The following MAGI1 variants were observed in gnomAD, a reference collection of about 807,000 sequenced individuals.
MAGI1 encodes the protein membrane associated guanylate kinase, WW and PDZ domain containing 1.
Under a neutral mutation model 139.9 loss-of-function variants are expected in MAGI1, and 58 were observed. The observed-to-expected ratio is 0.41, with a 90% CI of 0.34 to 0.52. The LOEUF is 0.52. Ranked by LOEUF, MAGI1 falls within the 20% of genes least tolerant of loss-of-function variation. MAGI1 has a pLI of 0.12. For missense variants in MAGI1, 1,874 were observed against 1,901.6 expected (o/e 0.99, Z 0.27); for synonymous variants, 812 against 737.9 (o/e 1.10, Z -1.63).
intron 1 of MAGI1, among the ~76,000 whole-genome samples, chr3:65,624,676 A>G (rs949656431): frequency 1.3e-5 from 2 of 152,196 alleles, no homozygotes; most frequent in African/African-American, 4.8e-5. Flanking sequence ...AGGGAATAAA[A>G]TCTATGGATC....
intron 1 of MAGI1, among the ~76,000 whole-genome samples, chr3:66,024,736 G>A (rs528599377): frequency 1.3e-5 from 2 of 152,288 alleles, no homozygotes; most frequent in African/African-American, 2.4e-5. Context: ...AACCCAGGAG[G>A]CGGAGGTTGC....
intron 1 of MAGI1, among the ~76,000 whole-genome samples, chr3:65,843,065 T>C (rs2058861897): frequency 6.6e-6 from 1 of 152,206 alleles, no homozygotes; most frequent in African/African-American, 2.4e-5. Context: ...TTCATAACCC[T>C]GAATACTTTT....
chr3:65,376,101 A>C (rs977003999), intron 17 of MAGI1, among the ~76,000 whole-genome samples, 156 bp from the exon 18 acceptor site: 1 of 152,232 alleles, frequency 6.6e-6, no homozygotes, highest in African/African-American at 2.4e-5. Context: ...CGATGGTCAA[A>C]ACATTGGCAA....
At chr3:65,544,356 T>C (rs1309317169) in intron 2 of MAGI1, among the ~76,000 whole-genome samples, 16 of 152,134 alleles carry the variant, frequency 1.1e-4, no homozygotes. Flanking sequence ...GCAGCAGGGA[T>C]AATGCACACT....
At chr3:65,800,351 A>C (rs769598621) in intron 1 of MAGI1, among the ~76,000 whole-genome samples, 3 of 152,228 alleles carry the variant, frequency 2.0e-5, no homozygotes, top group Non-Finnish European at 2.9e-5. Context: ...TATTAAATAT[A>C]ATCAATCCTT....
chr3:65,930,262 G>A, intron 1 of MAGI1, among the ~76,000 whole-genome samples: 1 of 139,692 alleles, frequency 7.2e-6, no homozygotes, highest in African/African-American at 2.6e-5. Flanking sequence ...CTTGCAGTGA[G>A]CCGAGATAGC....
intron 1 of MAGI1, among the ~76,000 whole-genome samples, chr3:65,915,906 A>C (rs1036424674): frequency 6.6e-6 from 1 of 151,848 alleles, no homozygotes; most frequent in Non-Finnish European, 1.5e-5. Flanking sequence ...AAAAAGCAAG[A>C]TGCAAATTTG....
intron 1 of MAGI1, among the ~76,000 whole-genome samples, chr3:65,700,225 C>G (rs1022104389): frequency 6.6e-6 from 1 of 152,036 alleles, no homozygotes; most frequent in Non-Finnish European, 1.5e-5. Context: ...GGGCAGATCA[C>G]GAGGTCAGGA....
At chr3:65,579,215 C>G (rs150930264) in intron 2 of MAGI1, among the ~76,000 whole-genome samples, 1 of 152,102 alleles carries the variant, frequency 6.6e-6, no homozygotes, top group Non-Finnish European at 1.5e-5. Context: ...GATAAGGTAA[C>G]AGAGGCTTAG....
At chr3:65,728,041 A>C (rs1476130018) in intron 1 of MAGI1, among the ~76,000 whole-genome samples, 1 of 152,172 alleles carries the variant, frequency 6.6e-6, no homozygotes, top group Non-Finnish European at 1.5e-5. Flanking sequence ...TTCCTAATAC[A>C]GGTGCAGGCA....
intron 2 of MAGI1, among the ~76,000 whole-genome samples, chr3:65,506,803 T>C (rs115861713): frequency 0.016 from 2,479 of 152,228 alleles, 30 homozygotes; most frequent in Middle Eastern, 0.034. Context: ...AAATATTATA[T>C]AACTAGATAT....
At chr3:65,891,153 C>T (rs1445131894) in intron 1 of MAGI1, among the ~76,000 whole-genome samples, 1 of 150,316 alleles carries the variant, frequency 6.7e-6, no homozygotes, top group African/African-American at 2.5e-5. Flanking sequence ...GCAGAGGATG[C>T]AGTGCGCCAT....
chr3:66,031,590 A>G (rs1219541820), intron 1 of MAGI1, among the ~76,000 whole-genome samples: 2 of 152,106 alleles, frequency 1.3e-5, no homozygotes, highest in African/African-American at 4.8e-5. Context: ...TTTTTGTAAA[A>G]CCTGTACAGT....
chr3:65,384,900 C>T (rs1943329591), intron 14 of MAGI1, among the ~76,000 whole-genome samples: 1 of 151,882 alleles, frequency 6.6e-6, no homozygotes, highest in Non-Finnish European at 1.5e-5. Flanking sequence ...GAAACCAATC[C>T]CCAGCAGACA....
At position 65,361,316 on chromosome 3, in the gene MAGI1, T is replaced by C. The variant is rs1299578307; in HGVS notation, c.3517A>G (p.Ile1173Val). The C allele has an allele frequency of 3.1e-6, 5 of 1,613,894 alleles. No homozygotes were observed. Among genetic ancestry groups the C allele is most frequent in the Admixed American group, 1.7e-5 (1 of 60,000 alleles). The change falls in exon 22 of 23, where the codon ATC (isoleucine) becomes GTC (valine). Residue 1173 changes from isoleucine to valine, a missense_variant. Transcript: ENST00000402939. ...ATGTTTTTGGTGGTCTCACCATTGATCTCTAAAATTTCATCACCAATCTGC... is the reference window on the plus strand; with the variant it reads ...ATGTTTTTGGTGGTCTCACCATTGACCTCTAAAATTTCATCACCAATCTGC... ...KMRIGDEILE[I>V]NGETTKNMKH...
chr3:65,551,447 C>T (rs1048979210), intron 2 of MAGI1, among the ~76,000 whole-genome samples: 2 of 152,076 alleles, frequency 1.3e-5, no homozygotes, highest in African/African-American at 2.4e-5. Flanking sequence ...ATTACAGGCA[C>T]GCACCACCGC....
chr3:65,429,974 G>A lies in MAGI1; in HGVS notation c.1713C>T (p.Thr571=), dbSNP rs768511167. Residue 571 remains threonine (T), a synonymous_variant, in exon 12 of 23, where the codon ACC becomes ACT. Coordinates refer to ENST00000402939, the MANE Select transcript of MAGI1 (RefSeq NM_001033057.2). The stretch of plus-strand genomic sequence containing the variant: ...GTTCTTTATCCAAAATGGCTACCGA[G>A]GTCACTAAACTTGTATTGGGGTCAT... ...DPDDPNTSLV[T]SVAILDKEPI... 2 of 1,613,952 alleles carry A rather than the reference G, an allele frequency of 1.2e-6. No homozygotes were observed. The highest frequency in any genetic ancestry group is 1.1e-5 in the South Asian group (1 of 91,084).
At chr3:65,913,135 C>T (rs9827938) in intron 1 of MAGI1, among the ~76,000 whole-genome samples, 2,481 of 152,118 alleles carry the variant, frequency 0.016, 79 homozygotes, top group African/African-American at 0.056. Context: ...GTGGTGCACA[C>T]CTGTAATCCC....
chr3:65,391,348 TCCAGTGGTTGCTGA>T lies in MAGI1; in HGVS notation c.2200-4_2209del. The T allele has an allele frequency of 6.2e-7, 1 of 1,614,098 alleles. No individual in the cohort carries two copies. Among genetic ancestry groups the T allele is most frequent in the Non-Finnish European group, 8.5e-7 (1 of 1,179,974 alleles). On this transcript the variant is annotated splice_acceptor_variant and splice_polypyrimidine_tract_variant and coding_sequence_variant and intron_variant, in exon 14 of 23. Coordinates refer to ENST00000402939, the MANE Select transcript of MAGI1 (RefSeq NM_001033057.2). LOFTEE classifies it high-confidence loss of function. ...AGAACTATTCTGGCTGTCTTTCCTT[TCCAGTGGTTGCTGA>T]AAGTAAGCAAGTGAGAGGGGCAAGA...
Sources: allele counts gnomAD v4.1 joint callset (sites outside exome capture counted in the v4.1 genomes callset), GRCh38; gene constraint gnomAD v4.1.1; transcripts MANE v1.5; gene names NCBI Gene and HGNC (gene_info 2026-07-23, HGNC 2026-07-21).